The following CELSR1 variants were observed in gnomAD, a reference collection of about 807,000 sequenced individuals.
CELSR1 encodes the protein cadherin EGF LAG seven-pass G-type receptor 1, also known as adhesion G protein-coupled receptor C1.
Under a neutral mutation model 249.1 loss-of-function variants are expected in CELSR1, and 110 were observed. That is an observed-to-expected ratio of 0.44 (90% confidence interval 0.38 to 0.52). The LOEUF (loss-of-function observed/expected upper bound fraction) is 0.52. Among genes scored for constraint, CELSR1 ranks in the 20% least tolerant of loss-of-function variants. The pLI is 0.00. For missense variants in CELSR1, 4,109 were observed against 4,296.4 expected (o/e 0.96, Z 1.22); for synonymous variants, 2,113 against 1,900.0 (o/e 1.11, Z -2.92).
At chr22:46,377,946 G>T (rs1056899192) in intron 23 of CELSR1, among the ~76,000 whole-genome samples, 1 of 152,150 alleles carries the variant, frequency 6.6e-6, no homozygotes, top group Non-Finnish European at 1.5e-5. Context: ...GGCTACCCAG[G>T]CCCCTGGTTC....
chr22:46,425,346 G>C (rs565133024), intron 5 of CELSR1, among the ~76,000 whole-genome samples: 1 of 152,342 alleles, frequency 6.6e-6, no homozygotes, highest in African/African-American at 2.4e-5. Flanking sequence ...TTCTGGAAGA[G>C]ATGTTGCAGA....
chr22:46,415,465 ATATTT>A (rs1362050071), intron 5 of CELSR1, among the ~76,000 whole-genome samples: 1 of 152,128 alleles, frequency 6.6e-6, no homozygotes, highest in East Asian at 1.9e-4. Flanking sequence ...GGTGATGAAA[ATATTT>A]TATTATTTTT....
chr22:46,457,043 T>G (rs1032624935), intron 2 of CELSR1, among the ~76,000 whole-genome samples: 8 of 152,052 alleles, frequency 5.3e-5, no homozygotes, highest in Non-Finnish European at 8.8e-5. Flanking sequence ...AGGCCCCAGC[T>G]AGGGAGCACC....
intron 5 of CELSR1, among the ~76,000 whole-genome samples, chr22:46,431,510 C>T (rs1019891241): frequency 2.6e-5 from 4 of 152,212 alleles, no homozygotes; most frequent in Non-Finnish European, 4.4e-5. Context: ...CCACCTATGC[C>T]CTATGCTTCC....
At position 46,536,269 on chromosome 22, in the gene CELSR1, G is replaced by A. The variant is rs771115241; in HGVS notation, c.902C>T (p.Ala301Val). The A allele has an allele frequency of 3.1e-6, 5 of 1,612,366 alleles. No homozygotes were observed. The South Asian group carries it at 5.5e-5, about 18-fold the overall frequency. The change falls in exon 1 of 35, where the codon GCC becomes GTC. Residue 301 changes from alanine (A) to valine (V), a missense_variant. By Grantham distance (64) the Ala-to-Val change is moderately conservative (BLOSUM62 0). This residue lies in a region of CELSR1 where 673 missense variants were observed against 636.8 expected (regional missense o/e 1.06). Transcript: ENST00000674500. ...RSRGYFRIDS[A>V]TGAVSTDSVL... ...GCTGTCCGTGCTCACGGCGCCCGTG[G>A]CAGAGTCGATTCGGAAGTAGCCCCG...
chr22:46,449,573 G>T (rs1231687494), intron 2 of CELSR1, among the ~76,000 whole-genome samples: 3 of 152,144 alleles, frequency 2.0e-5, no homozygotes, highest in African/African-American at 7.2e-5. Flanking sequence ...CTAATAAACT[G>T]CCAGCGTGGG....
chr22:46,428,672 G>C lies in CELSR1; in HGVS notation c.4611+4721C>G, dbSNP rs969301135. Among the ~76,000 whole-genome samples, 4 of 152,346 alleles carry C rather than the reference G, an allele frequency of 2.6e-5. 1 individual carries two copies. The South Asian group carries it at 8.3e-4, about 32-fold the overall frequency. ...CACAATGAAGGGTCATCGTCCCCAA[G>C]GGGCGGCAGTGCCCAGGTGGGAAAT... On this transcript the variant is annotated intron_variant, in intron 5 of 34. Coordinates refer to ENST00000674500, the MANE Select transcript of CELSR1 (RefSeq NM_001378328.1). This position sits in a 1 kb window ranked among gnomAD's most constrained non-coding sequence, Gnocchi z 5.7.
intron 18 of CELSR1, among the ~76,000 whole-genome samples, chr22:46,388,719 C>T (rs959639039): frequency 3.9e-5 from 6 of 152,210 alleles, no homozygotes; most frequent in Admixed American, 6.5e-5. Context: ...TATCAGGCTG[C>T]GTGAGTCCCC....
At chr22:46,452,919 G>C (rs2079902769) in intron 2 of CELSR1, among the ~76,000 whole-genome samples, 1 of 152,242 alleles carries the variant, frequency 6.6e-6, no homozygotes, top group African/African-American at 2.4e-5. Flanking sequence ...AGGGGCCATG[G>C]GGTTGGGCAC....
chr22:46,372,474 C>T, intron 25 of CELSR1, among the ~76,000 whole-genome samples: 1 of 109,016 alleles, frequency 9.2e-6, no homozygotes, highest in African/African-American at 3.7e-5. Flanking sequence ...ATCCATCCAG[C>T]CACTCGCTTA....
chr22:46,366,564 G>GCC (rs34100600), intron 29 of CELSR1, 84 bp from the exon 30 acceptor site: 55 of 1,110,302 alleles, frequency 5.0e-5, no homozygotes, highest in Non-Finnish European at 7.1e-5. Flanking sequence ...CCCACGGCAA[G>GCC]CCCCCCACAC....
At chr22:46,469,672 C>T (rs989613873) in intron 1 of CELSR1, among the ~76,000 whole-genome samples, 29 of 151,864 alleles carry the variant, frequency 1.9e-4, no homozygotes, top group African/African-American at 6.0e-4. Flanking sequence ...TACACCACCA[C>T]GCCTGGCTAA....
intron 1 of CELSR1, among the ~76,000 whole-genome samples, chr22:46,529,160 G>A (rs1681974309): frequency 6.6e-6 from 1 of 151,310 alleles, no homozygotes; most frequent in African/African-American, 2.4e-5. Flanking sequence ...CAGCTACTCA[G>A]GAGGCTGAGG....
At chr22:46,486,146 A>T in intron 1 of CELSR1, among the ~76,000 whole-genome samples, 1 of 149,548 alleles carries the variant, frequency 6.7e-6, no homozygotes, top group East Asian at 2.1e-4. Flanking sequence ...TCACCGTGTT[A>T]GCCAGGATGG....
chr22:46,412,526 A>G lies in CELSR1; in HGVS notation c.4612-767T>C, dbSNP rs1403566213. On this transcript the variant is annotated intron_variant, in intron 5 of 34. Coordinates refer to ENST00000674500, the MANE Select transcript of CELSR1 (RefSeq NM_001378328.1). This position sits in a 1 kb window ranked among gnomAD's most constrained non-coding sequence, Gnocchi z 4.5. Reference sequence around the variant, plus strand: ...AGGCGTGGAACTCCCTCTCTGGGCCAGGATTGGGTACAAGAGTTCTTCTGG... The same window carrying G: ...AGGCGTGGAACTCCCTCTCTGGGCCGGGATTGGGTACAAGAGTTCTTCTGG... Among the ~76,000 whole-genome samples, 1 of 152,184 alleles carries G rather than the reference A, an allele frequency of 6.6e-6. No individual in the cohort carries two copies. The highest frequency in any genetic ancestry group is 2.4e-5 in the African/African-American group (1 of 41,444).
Position 46,364,712 on chromosome 22 carries a change from G to T in CELSR1, c.8579C>A (p.Pro2860Gln). ...CAGGCTCTGGTCGGGCCAGCCGGCCGGAACGTGGTTGGCCACAGCGTCCCC... is the reference window on the plus strand; with the variant it reads ...CAGGCTCTGGTCGGGCCAGCCGGCCTGAACGTGGTTGGCCACAGCGTCCCC... ...PKGDAVANHVPAGWPDQSLAE... is the reference protein window; with the variant it reads ...PKGDAVANHVQAGWPDQSLAE... Residue 2860 changes from proline to glutamine, a missense_variant, in exon 33 of 35, where the codon CCG (proline) becomes CAG (glutamine). By Grantham distance (76) the Pro-to-Gln change is moderately conservative. Transcript: ENST00000674500. 1 of 1,612,338 alleles carries T rather than the reference G, an allele frequency of 6.2e-7. No individual in the cohort carries two copies. The highest frequency in any genetic ancestry group is 1.1e-5 in the South Asian group (1 of 91,050).
intron 2 of CELSR1, among the ~76,000 whole-genome samples, chr22:46,439,798 C>A (rs996101466): frequency 3.9e-5 from 6 of 152,260 alleles, no homozygotes; most frequent in African/African-American, 1.4e-4. Flanking sequence ...GCACCTCAGG[C>A]CCCTCCCCAC....
rs781400571 is a variant in CELSR1, at chr22:46,369,240, C to A, written c.7891G>T (p.Val2631Phe). ...AVIIINTVTS[V>F]LSAKVSCQRK... Reference sequence around the variant, plus strand: ...TGGCAGGAAACCTTTGCAGATAGGACAGAAGTGACTGTGTTGATCTGAAAA... The same window carrying A: ...TGGCAGGAAACCTTTGCAGATAGGAAAGAAGTGACTGTGTTGATCTGAAAA... The change falls in exon 27 of 35, where the codon GTC (valine) becomes TTC (phenylalanine). Residue 2631 changes from valine to phenylalanine, a missense_variant. Val to Phe is a conservative substitution (Grantham distance 50). This residue lies in a region of CELSR1 where 1,805 missense variants were observed against 1,831.6 expected (regional missense o/e 0.99). Coordinates refer to ENST00000674500, the MANE Select transcript of CELSR1 (RefSeq NM_001378328.1). 1.9e-6 allele frequency: 3 copies of A among 1,613,686 alleles called. No individual in the cohort carries two copies. Among genetic ancestry groups the A allele is most frequent in the Non-Finnish European group, 2.5e-6 (3 of 1,179,918 alleles).
In CELSR1 at chr22:46,391,191, G is replaced by C; in HGVS notation, c.6245C>G (p.Ser2082Cys). The part of the protein sequence containing the change: ...QPAAVPCPKG[S>C]VGNAVRHCSG... ...CACAGGCCACGGCGACTCACCAACG[G>C]ATCCCTTAGGGCATGGCACCGCAGC... The change falls in exon 16 of 35, where the codon TCC becomes TGC. Residue 2082 changes from serine to cysteine, a missense_variant. Around this residue, in one of 7 missense-constraint regions of CELSR1, gnomAD observed 1,805 missense variants for 1,831.6 expected, o/e 0.99. Transcript: ENST00000674500. The surrounding 1 kb of genome is among the most constrained non-coding windows in gnomAD (Gnocchi z 4.3). 1 of 1,612,224 alleles carries C rather than the reference G, an allele frequency of 6.2e-7. No individual in the cohort carries two copies. The highest frequency in any genetic ancestry group is 1.1e-5 in the South Asian group (1 of 91,038).
Sources: gnomAD v4.1 joint callset for allele counts (sites outside exome capture counted in the v4.1 genomes callset) on GRCh38, gnomAD v4.1.1 for gene constraint, gnomAD v4.1.1 regional missense constraint, Gnocchi (gnomAD v3.1) non-coding constraint, MANE v1.5 for transcripts, NCBI Gene and HGNC (gene_info 2026-07-23, HGNC 2026-07-21) for gene names.